CHST9: variants seen among roughly 807,000 people sequenced by gnomAD.
CHST9 encodes the protein GalNAc-4-sulfotransferase 2.
Under a neutral mutation model 44.4 loss-of-function variants are expected in CHST9, and 41 were observed. The ratio of observed to expected loss-of-function variants is 0.92; its 90% CI spans 0.72 to 1.20. The LOEUF is 1.20. Ranked by LOEUF, CHST9 falls within the 50% of genes most tolerant of loss-of-function variation. The pLI is 0.00. For missense variants in CHST9, 504 were observed against 516.5 expected, an observed-to-expected ratio of 0.98 and a Z score of 0.23; for synonymous variants, 171 against 178.4, an observed-to-expected ratio of 0.96 and a Z score of 0.33.
chr18:27,041,865 A>G (rs1224508294), intron 3 of CHST9, among the ~76,000 whole-genome samples: 1 of 152,184 alleles, frequency 6.6e-6, no homozygotes, highest in African/African-American at 2.4e-5. Context: ...GAACAGCCCA[A>G]GTGTAAGTCT....
intron 1 of CHST9, among the ~76,000 whole-genome samples, chr18:27,183,340 A>C (rs968105877): frequency 2.6e-5 from 4 of 152,316 alleles, no homozygotes; most frequent in South Asian, 4.2e-4. Context: ...GTACGTTTTG[A>C]TACCTGTGAA....
intron 2 of CHST9, among the ~76,000 whole-genome samples, chr18:27,126,723 G>A (rs2058427024): frequency 6.6e-6 from 1 of 152,104 alleles, no homozygotes; most frequent in Non-Finnish European, 1.5e-5. Context: ...GACATGAAGA[G>A]CTTCAAGCAG....
chr18:27,118,692 G>A (rs1241748759), intron 2 of CHST9, among the ~76,000 whole-genome samples: 1 of 152,234 alleles, frequency 6.6e-6, no homozygotes, highest in African/African-American at 2.4e-5. Context: ...TATGGCCCCT[G>A]AGGCCATGCT....
chr18:26,992,165 A>G (rs1391070411), intron 4 of CHST9, among the ~76,000 whole-genome samples: 1 of 127,480 alleles, frequency 7.8e-6, no homozygotes, highest in African/African-American at 2.7e-5. Context: ...CCCAGAATCC[A>G]CAAAGATGGG....
intron 1 of CHST9, among the ~76,000 whole-genome samples, chr18:27,178,929 A>C (rs908219454): frequency 4.6e-5 from 7 of 151,976 alleles, no homozygotes; most frequent in Non-Finnish European, 1.0e-4. Flanking sequence ...TTTTTGCATA[A>C]GCATGTTTCA....
intron 4 of CHST9, among the ~76,000 whole-genome samples, chr18:26,966,967 C>A (rs984063169): frequency 6.7e-6 from 1 of 149,708 alleles, no homozygotes; most frequent in African/African-American, 2.5e-5. Flanking sequence ...TGGTAGATAT[C>A]TCGGGTTGGC....
chr18:27,081,472 T>A (rs2057960317), intron 2 of CHST9, among the ~76,000 whole-genome samples: 1 of 152,220 alleles, frequency 6.6e-6, no homozygotes, highest in African/African-American at 2.4e-5. Flanking sequence ...TCTGAGCTGC[T>A]AGACAGCAGA....
At chr18:26,988,028 G>A (rs1012937452) in intron 4 of CHST9, among the ~76,000 whole-genome samples, 1 of 152,026 alleles carries the variant, frequency 6.6e-6, no homozygotes, top group African/African-American at 2.4e-5. Flanking sequence ...GACTGCTAAA[G>A]TTAATGATGC....
chr18:26,916,544 G>A lies in CHST9; in HGVS notation c.1047C>T (p.His349=), dbSNP rs2055527560. 6.2e-7 allele frequency: 1 copy of A among 1,613,744 alleles called. No individual in the cohort carries two copies. Among genetic ancestry groups the A allele is most frequent in the Non-Finnish European group, 8.5e-7 (1 of 1,179,812 alleles). The stretch of plus-strand genomic sequence containing the variant: ...AGCAGAGTTTGCTGACCTTTTCCCA[G>A]TGAATGTCCATTCCTACTGGACGGT... The part of the protein sequence containing the change: ...DSHRPVGMDI[H]WEKVSKLCYP... Residue 349 remains histidine, a synonymous_variant, in exon 6 of 6, where the codon CAC becomes CAT. Transcript: ENST00000618847.
intron 1 of CHST9, among the ~76,000 whole-genome samples, chr18:27,177,612 C>T (rs2058878844): frequency 6.6e-6 from 1 of 151,974 alleles, no homozygotes; most frequent in East Asian, 1.9e-4. Flanking sequence ...ACAGAGCCTT[C>T]TGAAATTTCT....
intron 2 of CHST9, among the ~76,000 whole-genome samples, chr18:27,102,464 C>A (rs1461136353): frequency 6.6e-6 from 1 of 152,134 alleles, no homozygotes; most frequent in Non-Finnish European, 1.5e-5. Flanking sequence ...GATGGACCAT[C>A]CTCGACTATA....
intron 2 of CHST9, among the ~76,000 whole-genome samples, chr18:27,054,676 G>T (rs2057632110): frequency 6.6e-6 from 1 of 152,080 alleles, no homozygotes; most frequent in Admixed American, 6.6e-5. Context: ...TAATCACAGT[G>T]ATTGTTTCTG....
chr18:26,981,665 T>C (rs2056693493), intron 4 of CHST9, among the ~76,000 whole-genome samples: 1 of 152,226 alleles, frequency 6.6e-6, no homozygotes, highest in Admixed American at 6.5e-5. Flanking sequence ...TATCCCACTT[T>C]GCATGTGTAC....
intron 4 of CHST9, among the ~76,000 whole-genome samples, chr18:27,004,153 A>T (rs1386962767): frequency 6.6e-6 from 1 of 152,050 alleles, no homozygotes; most frequent in African/African-American, 2.4e-5. Flanking sequence ...ACCAGGCATA[A>T]TGGGAGGAAG....
rs139793758 is a variant in CHST9 at position 26,926,120 on chromosome 18, G to A, written c.241-8770C>T. Among the ~76,000 whole-genome samples the A allele has an allele frequency of 7.9e-5, 12 of 152,302 alleles. No individual in the cohort carries two copies. In the East Asian group the frequency reaches 2.3e-3, roughly 29 times the overall value. On this transcript the variant is annotated intron_variant, in intron 5 of 5. Coordinates refer to ENST00000618847, the MANE Select transcript of CHST9 (RefSeq NM_031422.6). ...AACAGTGAACACTTGAAGAGAGTGG[G>A]TAAAGAGAGAAACTACTGAATTACA...
chr18:26,953,007 T>G (rs1450374741), intron 4 of CHST9, among the ~76,000 whole-genome samples: 1 of 152,200 alleles, frequency 6.6e-6, no homozygotes, highest in Non-Finnish European at 1.5e-5. Context: ...CCCTTTTAAC[T>G]CATGCAGGAA....
At chr18:27,053,222 G>GAA (rs2057599878) in intron 2 of CHST9, among the ~76,000 whole-genome samples, 2 of 35,690 alleles carry the variant, frequency 5.6e-5, no homozygotes, top group Non-Finnish European at 1.3e-4. Flanking sequence ...GGAAGAGGAA[G>GAA]AAGAAGAAGA....
chr18:26,977,426 A>G (rs1352396570), intron 4 of CHST9, among the ~76,000 whole-genome samples: 1 of 28,306 alleles, frequency 3.5e-5, no homozygotes, highest in Non-Finnish European at 9.2e-5. Flanking sequence ...GGTCACTTGT[A>G]AAAAAAAAAA....
chr18:27,087,168 C>A (rs2058021104), intron 2 of CHST9, among the ~76,000 whole-genome samples: 2 of 152,118 alleles, frequency 1.3e-5, no homozygotes, highest in African/African-American at 2.4e-5. Context: ...TGAAAGTTAG[C>A]ATTCTTGAAT....
Sources: gnomAD v4.1 joint callset for allele counts (sites outside exome capture counted in the v4.1 genomes callset) on GRCh38, gnomAD v4.1.1 for gene constraint, MANE v1.5 for transcripts, NCBI Gene and HGNC (gene_info 2026-07-23, HGNC 2026-07-21) for gene names.